Variants in USH2A observed in about 807,000 individuals in gnomAD.
USH2A encodes the protein Usher syndrome 2A (autosomal recessive, mild).
Under a neutral mutation model 538.9 loss-of-function variants are expected in USH2A, and 443 were observed. That is an observed-to-expected ratio of 0.82 (90% CI 0.76 to 0.89). The LOEUF (loss-of-function observed/expected upper bound fraction) is 0.89, where lower values mean the gene tolerates loss of function less well. Among genes scored for constraint, USH2A ranks in the 40% least tolerant of loss-of-function variants. The pLI, the probability that USH2A is intolerant of heterozygous loss-of-function variation, is 0.00. For missense variants in USH2A, 6,633 were observed against 6,324.8 expected, an observed-to-expected ratio of 1.05 and a Z score of -1.65; for synonymous variants, 2,413 against 2,273.5, an observed-to-expected ratio of 1.06 and a Z score of -1.75.
chr1:215,714,874 T>C (rs1659437493), intron 61 of USH2A, among the ~76,000 whole-genome samples: 1 of 152,220 alleles, frequency 6.6e-6, no homozygotes, highest in Admixed American at 6.5e-5. Context: ...AGGGTTCAAG[T>C]CTTACTCAAA....
chr1:215,677,955 T>C (rs1228506404), intron 62 of USH2A, among the ~76,000 whole-genome samples: 1 of 152,190 alleles, frequency 6.6e-6, no homozygotes, highest in Non-Finnish European at 1.5e-5. Flanking sequence ...CCCTTCCTCA[T>C]CAATAGCCCA....
At chr1:216,117,505 C>T (rs2033036321) in intron 21 of USH2A, among the ~76,000 whole-genome samples, 2 of 152,028 alleles carry the variant, frequency 1.3e-5, no homozygotes, top group Admixed American at 1.3e-4. Flanking sequence ...GGTAACAATA[C>T]ACATATTTGA....
chr1:216,210,802 G>A (rs1400261476), intron 15 of USH2A, among the ~76,000 whole-genome samples: 3 of 152,026 alleles, frequency 2.0e-5, no homozygotes, highest in Non-Finnish European at 4.4e-5. Flanking sequence ...CCAACATGGT[G>A]AAACCCCGTC....
chr1:215,667,322 A>C (rs1309170615), intron 64 of USH2A, among the ~76,000 whole-genome samples: 3 of 152,170 alleles, frequency 2.0e-5, no homozygotes, highest in Non-Finnish European at 4.4e-5. Flanking sequence ...AATTGTGGTG[A>C]GGTGAGTGAC....
chr1:216,062,083 G>T (rs1279055789), intron 30 of USH2A, among the ~76,000 whole-genome samples: 3 of 152,136 alleles, frequency 2.0e-5, no homozygotes, highest in South Asian at 4.1e-4. Context: ...GTTTGGGGGA[G>T]GACATTTAGC....
intron 43 of USH2A, among the ~76,000 whole-genome samples, chr1:215,868,049 C>T (rs1482327889): frequency 6.6e-6 from 1 of 152,124 alleles, no homozygotes; most frequent in African/African-American, 2.4e-5. Flanking sequence ...GTGCAACACA[C>T]GACCATCCCA....
chr1:215,887,404 T>A (rs1360805821), intron 41 of USH2A, among the ~76,000 whole-genome samples: 2 of 152,150 alleles, frequency 1.3e-5, no homozygotes, highest in Non-Finnish European at 2.9e-5. Flanking sequence ...TTTGGTTTTG[T>A]TTTTATTTTG....
chr1:215,911,301 C>A (rs2102479274), intron 38 of USH2A, among the ~76,000 whole-genome samples: 1 of 151,864 alleles, frequency 6.6e-6, no homozygotes, highest in South Asian at 2.1e-4. Flanking sequence ...AGGTCTTATG[C>A]ATTCATTCTA....
chr1:215,805,224 T>A (rs576107844), intron 49 of USH2A, among the ~76,000 whole-genome samples: 1 of 152,162 alleles, frequency 6.6e-6, no homozygotes, highest in Non-Finnish European at 1.5e-5. Flanking sequence ...ACATGGCACA[T>A]GTATATATAT....
chr1:216,365,667 T>G (rs993305640), intron 3 of USH2A, among the ~76,000 whole-genome samples: 1 of 146,004 alleles, frequency 6.8e-6, no homozygotes, highest in South Asian at 2.2e-4. Context: ...CTGCACATAT[T>G]AGGGATTAGC....
At chr1:215,966,289 G>C (rs1055297652) in intron 36 of USH2A, among the ~76,000 whole-genome samples, 2 of 152,166 alleles carry the variant, frequency 1.3e-5, no homozygotes, top group Non-Finnish European at 2.9e-5. Flanking sequence ...AAGTAGAAAA[G>C]AGTTCAGAAA....
At chr1:216,097,630 T>C (rs2032471670) in intron 21 of USH2A, among the ~76,000 whole-genome samples, 1 of 152,190 alleles carries the variant, frequency 6.6e-6, no homozygotes, top group South Asian at 2.1e-4. Context: ...ATCGGTTCAG[T>C]AATAGAAGTT....
Position 215,845,864 on chromosome 1 carries a change from G to T in USH2A, c.9015C>A (p.Ser3005Arg), listed in dbSNP as rs1449740817. Residue 3005 changes from serine (S) to arginine (R), a missense_variant, in exon 45 of 72, where the codon AGC (serine) becomes AGA (arginine). Ser to Arg is a moderately radical substitution (Grantham distance 110, BLOSUM62 -1). Coordinates refer to ENST00000307340, the MANE Select transcript of USH2A (RefSeq NM_206933.4). ...TTGCATGAAGTCCTGCACTGTTGAT[G>T]CTGTGGACTCCATTGAAGACAGAGA... Reference protein sequence around the residue: ...IFISVFNGVHSINSAGLHATT... With the variant: ...IFISVFNGVHRINSAGLHATT... The T allele has an allele frequency of 6.2e-7, 1 of 1,613,862 alleles. No individual in the cohort carries two copies. The highest frequency in any genetic ancestry group is 8.5e-7 in the Non-Finnish European group (1 of 1,179,896).
At chr1:215,964,308 TA>T (rs1253080266) in intron 37 of USH2A, among the ~76,000 whole-genome samples, 2 of 152,116 alleles carry the variant, frequency 1.3e-5, no homozygotes, top group Non-Finnish European at 2.9e-5. Flanking sequence ...CCTGATTGCA[TA>T]AAAAAGGGAC....
At chr1:216,268,708 C>T (rs2036521315) in intron 11 of USH2A, among the ~76,000 whole-genome samples, 6 of 152,094 alleles carry the variant, frequency 3.9e-5, no homozygotes, top group Admixed American at 3.9e-4. Context: ...CTGAATACAT[C>T]AGGGGTGCTT....
chr1:215,982,471 C>T (rs577664226), intron 35 of USH2A, among the ~76,000 whole-genome samples: 1 of 152,322 alleles, frequency 6.6e-6, no homozygotes, highest in South Asian at 2.1e-4. Flanking sequence ...CAAGCTTAGG[C>T]AGGTCTGTAT....
chr1:216,156,878 CTTT>C (rs397844581), intron 21 of USH2A, among the ~76,000 whole-genome samples: 1 of 143,592 alleles, frequency 7.0e-6, no homozygotes, highest in Non-Finnish European at 1.5e-5. Context: ...ACTTCTATCT[CTTT>C]TTTTTTTTTT....
At chr1:215,823,005 G>A (rs4353061) in intron 47 of USH2A, among the ~76,000 whole-genome samples, 7,129 of 151,966 alleles carry the variant, frequency 0.047, 267 homozygotes, top group South Asian at 0.14. Context: ...CTCTTAACAC[G>A]TTGCTGTACC....
chr1:216,165,808 G>GTT (rs11453631), intron 21 of USH2A, among the ~76,000 whole-genome samples: 2,046 of 145,378 alleles, frequency 0.014, 26 homozygotes, highest in Non-Finnish European at 0.02. Context: ...CAAACAACCA[G>GTT]TTTTTTTTTT....
Sources: gnomAD v4.1 joint callset for allele counts (sites outside exome capture counted in the v4.1 genomes callset) on GRCh38, gnomAD v4.1.1 for gene constraint, MANE v1.5 for transcripts, NCBI Gene and HGNC (gene_info 2026-07-23, HGNC 2026-07-21) for gene names.